CTNNBIP1: variants seen among roughly 807,000 people sequenced by gnomAD.
The protein encoded by CTNNBIP1 is beta-catenin-interacting protein 1.
In CTNNBIP1, 7 loss-of-function variants were observed where a neutral mutation model predicts 11.8. The ratio of observed to expected loss-of-function variants is 0.60; its 90% confidence interval spans 0.34 to 1.12. The LOEUF is 1.12. CTNNBIP1 is among the 50% of genes most tolerant of loss of function. The pLI, the probability that CTNNBIP1 is intolerant of heterozygous loss-of-function variation, is 0.03. For synonymous variants in CTNNBIP1, 58 were observed against 43.9 expected (o/e 1.32, Z -1.26); for missense variants, 101 against 113.4 (o/e 0.89, Z 0.50).
intron 5 of CTNNBIP1, among the ~76,000 whole-genome samples, chr1:9,870,022 C>T (rs540317630): frequency 6.6e-6 from 1 of 152,356 alleles, no homozygotes; most frequent in South Asian, 2.1e-4. Context: ...CTGCCTGAGC[C>T]ACTGCCTGGA....
At chr1:9,860,428 TAAAAAAAAAAAA>T (rs58165059) in intron 5 of CTNNBIP1, among the ~76,000 whole-genome samples, 1 of 45,544 alleles carries the variant, frequency 2.2e-5, no homozygotes, top group Non-Finnish European at 4.3e-5. Context: ...CCGTCTCTAC[TAAAAAAAAAAAA>T]AAAAAAAAAA....
intron 1 of CTNNBIP1, among the ~76,000 whole-genome samples, chr1:9,908,124 T>A (rs1409944159): frequency 6.7e-6 from 1 of 149,540 alleles, no homozygotes; most frequent in African/African-American, 2.5e-5. Flanking sequence ...AGTGGCGCAA[T>A]CTCGGCTCAC....
At chr1:9,874,318 G>A (rs1638921680) in intron 3 of CTNNBIP1, among the ~76,000 whole-genome samples, 1 of 152,194 alleles carries the variant, frequency 6.6e-6, no homozygotes, top group South Asian at 2.1e-4. Context: ...ACAGTGGTAT[G>A]ATCAGAACTC....
chr1:9,888,468 C>G (rs1469223190), intron 1 of CTNNBIP1, among the ~76,000 whole-genome samples: 2 of 151,762 alleles, frequency 1.3e-5, no homozygotes, highest in Non-Finnish European at 2.9e-5. Context: ...AGGAGAATCG[C>G]TTGAGCCCAG....
At chr1:9,895,302 G>A (rs1473597225) in intron 1 of CTNNBIP1, among the ~76,000 whole-genome samples, 2 of 147,598 alleles carry the variant, frequency 1.4e-5, no homozygotes, top group African/African-American at 2.5e-5. Flanking sequence ...GGGTTCCAGC[G>A]ATTCTCCCAC....
chr1:9,899,455 CAAAAAAA>C (rs754593503), intron 1 of CTNNBIP1, among the ~76,000 whole-genome samples: 34 of 65,702 alleles, frequency 5.2e-4, no homozygotes, highest in African/African-American at 1.1e-3. Context: ...GACTCCATCT[CAAAAAAA>C]AAAAAAAAAA....
chr1:9,901,561 G>A (rs1164139470), intron 1 of CTNNBIP1, among the ~76,000 whole-genome samples: 2 of 152,184 alleles, frequency 1.3e-5, no homozygotes, highest in South Asian at 2.1e-4. Context: ...CAGAAAACAT[G>A]TGGGTTAGAC....
rs1024380069 is a variant in CTNNBIP1 at position 9,867,508 on chromosome 1, C to T, written c.187+3679G>A. Reference sequence around the variant, plus strand: ...GAAGCATGTGCAGGGCTAAAGGTGGCGGCCAGACCCTCAGGACCAAGGTCG... The same window carrying T: ...GAAGCATGTGCAGGGCTAAAGGTGGTGGCCAGACCCTCAGGACCAAGGTCG... On this transcript the variant is annotated intron_variant, in intron 5 of 5. Transcript: ENST00000377263. The surrounding 1 kb of genome is among the most constrained non-coding windows in gnomAD (Gnocchi z 4.6). 4.6e-5 allele frequency among the ~76,000 whole-genome samples: 7 copies of T among 152,296 alleles called. No individual in the cohort carries two copies. The highest frequency in any genetic ancestry group is 2.1e-4 in the South Asian group (1 of 4,828).
At chr1:9,901,804 C>G (rs918327630) in intron 1 of CTNNBIP1, among the ~76,000 whole-genome samples, 8 of 152,294 alleles carry the variant, frequency 5.3e-5, no homozygotes, top group African/African-American at 1.7e-4. Flanking sequence ...GCTGCTGCCC[C>G]GCCCCTCAGC....
Position 9,886,389 on chromosome 1 carries a change from TCGAA to T in CTNNBIP1, c.-143-2655_-143-2652del, listed in dbSNP as rs1376424788. Among the ~76,000 whole-genome samples the T allele has an allele frequency of 6.1e-5, 7 of 114,148 alleles. No homozygotes were observed. In the African/African-American group the frequency reaches 6.8e-4, roughly 11 times the overall value. The allele number at this position is 114,148 out of a possible 152,430, so 74.9% of individuals were successfully genotyped here. The stretch of plus-strand genomic sequence containing the variant: ...AGCAGCCCCCCTCCAGTTGTGACAA[TCGAA>T]TCGAATATATCTTCTGACGTTGCCA... On this transcript the variant is annotated intron_variant, in intron 1 of 5. Transcript: ENST00000377263.
intron 5 of CTNNBIP1, among the ~76,000 whole-genome samples, chr1:9,862,256 A>G (rs1638647449): frequency 6.6e-6 from 1 of 152,056 alleles, no homozygotes; most frequent in Admixed American, 6.6e-5. Flanking sequence ...TTTTATATAC[A>G]CACCTTCAAT....
At chr1:9,852,674 C>T (rs556476400) in intron 5 of CTNNBIP1, among the ~76,000 whole-genome samples, 1 of 152,296 alleles carries the variant, frequency 6.6e-6, no homozygotes, top group African/African-American at 2.4e-5. Flanking sequence ...TGCTGCTTGC[C>T]CAGCTTGCTA....
Position 9,867,496 on chromosome 1 carries a change from G to A in CTNNBIP1, c.187+3691C>T, listed in dbSNP as rs1230998370. On this transcript the variant is annotated intron_variant, in intron 5 of 5. Coordinates refer to ENST00000377263, the MANE Select transcript of CTNNBIP1 (RefSeq NM_020248.3). This position sits in a 1 kb window ranked among gnomAD's most constrained non-coding sequence, Gnocchi z 4.6. ...AGCCCTGGAGGGGAAGCATGTGCAG[G>A]GCTAAAGGTGGCGGCCAGACCCTCA... is the stretch of plus-strand genomic sequence containing the variant. Among the ~76,000 whole-genome samples, 4 of 152,306 alleles carry A rather than the reference G, an allele frequency of 2.6e-5. No individual in the cohort carries two copies. Among genetic ancestry groups the A allele is most frequent in the African/African-American group, 9.6e-5 (4 of 41,568 alleles).
chr1:9,857,448 A>G (rs1337077981), intron 5 of CTNNBIP1, among the ~76,000 whole-genome samples: 4 of 144,596 alleles, frequency 2.8e-5, no homozygotes, highest in Admixed American at 1.4e-4. Flanking sequence ...CTGAGATAGC[A>G]CCGCTGCACT....
At chr1:9,878,559 A>G (rs1363477104) in intron 2 of CTNNBIP1, among the ~76,000 whole-genome samples, 1 of 152,224 alleles carries the variant, frequency 6.6e-6, no homozygotes, top group Non-Finnish European at 1.5e-5. Flanking sequence ...ACAGACCTAC[A>G]GCCTAGCCAC....
At chr1:9,898,990 T>C (rs1340950419) in intron 1 of CTNNBIP1, among the ~76,000 whole-genome samples, 3 of 152,226 alleles carry the variant, frequency 2.0e-5, no homozygotes, top group Non-Finnish European at 4.4e-5. Flanking sequence ...AAAAAAATTT[T>C]TTACTTCCGT....
chr1:9,861,280 C>T (rs189738037), intron 5 of CTNNBIP1, among the ~76,000 whole-genome samples: 32 of 152,352 alleles, frequency 2.1e-4, no homozygotes, highest in African/African-American at 7.2e-4. Context: ...AGGACCCAGA[C>T]GCTCCTCCAA....
intron 2 of CTNNBIP1, among the ~76,000 whole-genome samples, chr1:9,880,812 TG>T (rs776659118): frequency 1.3e-4 from 20 of 152,206 alleles, no homozygotes; most frequent in Non-Finnish European, 2.4e-4. Context: ...AGTTCTGCTC[TG>T]TCACTGATTG....
chr1:9,886,068 A>G (rs911236655), intron 1 of CTNNBIP1, among the ~76,000 whole-genome samples: 3 of 151,356 alleles, frequency 2.0e-5, no homozygotes, highest in Non-Finnish European at 2.9e-5. Flanking sequence ...TTGTTACAGT[A>G]TGGGGGATGG....
Sources: allele counts gnomAD v4.1 joint callset (sites outside exome capture counted in the v4.1 genomes callset), GRCh38; gene constraint gnomAD v4.1.1; non-coding constraint Gnocchi (gnomAD v3.1); transcripts MANE v1.5; gene names NCBI Gene and HGNC (gene_info 2026-07-23, HGNC 2026-07-21).